Variants in DOK6 observed in about 807,000 individuals in gnomAD.
The protein encoded by DOK6 is docking protein 6, also known as downstream of tyrosine kinase 6.
A neutral mutation model predicts 44.0 loss-of-function variants in DOK6; 22 were observed. The observed-to-expected ratio is 0.50, with a 90% CI of 0.36 to 0.71. DOK6 has a LOEUF of 0.71. DOK6 is among the 30% of genes least tolerant of loss of function. The pLI is 0.00. For synonymous variants in DOK6, 166 were observed against 145.5 expected (o/e 1.14, Z -1.01); for missense variants, 340 against 416.4 (o/e 0.82, Z 1.60).
intron 7 of DOK6, among the ~76,000 whole-genome samples, chr18:69,774,131 G>GATATATATATATATATATATAT (rs1212221255): frequency 4.3e-4 from 6 of 13,860 alleles, no homozygotes; most frequent in Admixed American, 1.7e-3. Flanking sequence ...ATATATATAT[G>GATATATATATATATATATATAT]AGATATATAT....
chr18:69,706,765 T>A (rs2144711288), intron 5 of DOK6, among the ~76,000 whole-genome samples: 1 of 147,214 alleles, frequency 6.8e-6, no homozygotes, highest in Non-Finnish European at 1.5e-5. Context: ...TTCCCACCTA[T>A]GAGTGAGAAC....
At chr18:69,672,577 C>T (rs1376533642) in intron 3 of DOK6, among the ~76,000 whole-genome samples, 2 of 152,030 alleles carry the variant, frequency 1.3e-5, no homozygotes, top group East Asian at 3.9e-4. Flanking sequence ...GGGCTGGTCT[C>T]AAACTCCTGA....
At chr18:69,820,216 C>T (rs1175215674) in intron 7 of DOK6, among the ~76,000 whole-genome samples, 1 of 152,136 alleles carries the variant, frequency 6.6e-6, no homozygotes, top group Non-Finnish European at 1.5e-5. Context: ...ATGATCTTAC[C>T]ACTACCTAGT....
intron 6 of DOK6, among the ~76,000 whole-genome samples, chr18:69,749,663 G>A (rs565533790): frequency 7.9e-4 from 120 of 152,190 alleles, no homozygotes; most frequent in African/African-American, 2.4e-3. Context: ...TGAGTTGGCC[G>A]GGTGCAGTGG....
chr18:69,732,252 A>G (rs1269844958), intron 5 of DOK6, among the ~76,000 whole-genome samples: 1 of 152,190 alleles, frequency 6.6e-6, no homozygotes. Context: ...GTCAGGGAAT[A>G]TCTGATATGT....
At chr18:69,724,804 A>G (rs1429002156) in intron 5 of DOK6, 1 of 152,178 alleles carries the variant, frequency 6.6e-6, no homozygotes, top group Non-Finnish European at 1.5e-5. Context: ...TTGTTAAAAC[A>G]CTTACCTGAG....
intron 3 of DOK6, among the ~76,000 whole-genome samples, chr18:69,619,287 G>T (rs1984385483): frequency 6.6e-6 from 1 of 151,980 alleles, no homozygotes; most frequent in Admixed American, 6.5e-5. Context: ...CTTTCAGTAA[G>T]AACTGATTGA....
At chr18:69,441,100 T>A (rs1979125247) in intron 1 of DOK6, among the ~76,000 whole-genome samples, 2 of 152,288 alleles carry the variant, frequency 1.3e-5, no homozygotes, top group Middle Eastern at 3.4e-3. Context: ...ATTGTGTGTG[T>A]GTGTATGGTT....
chr18:69,401,451 C>A, intron 1 of DOK6, 141 bp downstream of exon 1: 2 of 1,036,400 alleles, frequency 1.9e-6, no homozygotes, highest in Non-Finnish European at 2.6e-6. Flanking sequence ...CCGCTTGTTG[C>A]TTGGCCAGGT....
intron 7 of DOK6, among the ~76,000 whole-genome samples, chr18:69,760,930 T>C (rs376490347): frequency 5.4e-5 from 4 of 73,710 alleles, no homozygotes; most frequent in South Asian, 6.2e-4. Flanking sequence ...CGGGGGCCGG[T>C]TGTGACCAAT....
At chr18:69,645,257 G>T (rs940826299) in intron 3 of DOK6, among the ~76,000 whole-genome samples, 1 of 152,136 alleles carries the variant, frequency 6.6e-6, no homozygotes, top group Non-Finnish European at 1.5e-5. Context: ...CCTGTGAGAG[G>T]TGCATGCACC....
intron 4 of DOK6, 130 bp downstream of exon 4, chr18:69,677,983 G>T: frequency 7.3e-7 from 1 of 1,362,626 alleles, no homozygotes; most frequent in Non-Finnish European, 9.6e-7. Flanking sequence ...GTGCAGTGGC[G>T]CAAACCTGTA....
intron 1 of DOK6, among the ~76,000 whole-genome samples, chr18:69,526,229 T>C (rs897427279): frequency 4.6e-5 from 7 of 152,094 alleles, no homozygotes; most frequent in African/African-American, 1.7e-4. Context: ...TGAACAGTCA[T>C]TCTCCATTTC....
At chr18:69,421,156 A>C (rs750351551) in intron 1 of DOK6, among the ~76,000 whole-genome samples, 21 of 152,194 alleles carry the variant, frequency 1.4e-4, no homozygotes, top group Non-Finnish European at 2.2e-4. Flanking sequence ...TTCTATATGC[A>C]GCAGTATGAT....
At chr18:69,645,889 TA>T (rs576763122) in intron 3 of DOK6, among the ~76,000 whole-genome samples, 55 of 152,324 alleles carry the variant, frequency 3.6e-4, no homozygotes, top group East Asian at 3.1e-3. Context: ...TAAAGACCCT[TA>T]ATAATTCTTT....
rs74831173 is a variant in DOK6 at position 69,832,232 on chromosome 18, C to T, written c.857-9012C>T. Among the ~76,000 whole-genome samples the T allele has an allele frequency of 2.4e-3, 358 of 152,224 alleles. 3 individuals are homozygous for T. The highest frequency in any genetic ancestry group is 8.1e-3 in the African/African-American group (338 of 41,556). The stretch of plus-strand genomic sequence containing the variant: ...CTATACCCAATTCTTTGAGGGTTTT[C>T]ATAATGAAGCAATGTAGAACTTTAT... On this transcript the variant is annotated intron_variant, in intron 7 of 7. Transcript: ENST00000382713.
At chr18:69,590,715 A>G (rs1306439957) in intron 2 of DOK6, among the ~76,000 whole-genome samples, 3 of 152,198 alleles carry the variant, frequency 2.0e-5, no homozygotes, top group Non-Finnish European at 2.9e-5. Context: ...AAACAGTGTG[A>G]TCAAGATAAT....
At chr18:69,522,452 A>G (rs901995328) in intron 1 of DOK6, among the ~76,000 whole-genome samples, 1 of 152,036 alleles carries the variant, frequency 6.6e-6, no homozygotes, top group African/African-American at 2.4e-5. Context: ...TATGTTTGCA[A>G]TGACTGTGCT....
intron 3 of DOK6, among the ~76,000 whole-genome samples, chr18:69,657,461 C>A (rs1185391140): frequency 6.6e-6 from 1 of 151,976 alleles, no homozygotes; most frequent in East Asian, 1.9e-4. Context: ...ACCACAAGGT[C>A]AGGAGTAGGA....
Sources: allele counts gnomAD v4.1 joint callset (sites outside exome capture counted in the v4.1 genomes callset), GRCh38; gene constraint gnomAD v4.1.1; transcripts MANE v1.5; gene names NCBI Gene and HGNC (gene_info 2026-07-23, HGNC 2026-07-21).